Variants in TMEM131 observed in about 807,000 individuals in gnomAD.
The protein encoded by TMEM131 is transmembrane protein 131, also known as 2610524E03Rik.
Under a neutral mutation model 211.6 loss-of-function variants are expected in TMEM131, and 66 were observed. The observed-to-expected ratio is 0.31, with a 90% CI of 0.26 to 0.38. The LOEUF (loss-of-function observed/expected upper bound fraction) is 0.38, where lower values mean the gene tolerates loss of function less well. TMEM131 is among the 10% of genes least tolerant of loss of function. The probability of loss-of-function intolerance (pLI) is 1.00; values close to 1 mark genes in which losing one functional copy is unlikely to be tolerated. For missense variants in TMEM131, 2,036 were observed against 2,299.3 expected (o/e 0.89, Z 2.34); for synonymous variants, 844 against 841.3 (o/e 1.00, Z -0.06).
chr2:97,951,266 T>C (rs576105808), intron 1 of TMEM131, among the ~76,000 whole-genome samples: 14 of 152,338 alleles, frequency 9.2e-5, no homozygotes, highest in Non-Finnish European at 2.1e-4. Flanking sequence ...CAATTGAGTT[T>C]TGTAAGCCCC....
rs777389956 is a variant in TMEM131, at chr2:97,762,074, C to T, written c.4850G>A (p.Arg1617Gln). 2.4e-5 allele frequency: 38 copies of T among 1,601,308 alleles called. No homozygotes were observed. The highest frequency in any genetic ancestry group is 1.1e-4 in the Admixed American group (6 of 56,816). ...GTTGACGATGCTGCTGTAGCTGCCC[C>T]GGGCCACAAAGGGGCAGGGGGCAGC... ...PPAAPCPFVA[R>Q]GSYSSIVNSS... The change falls in exon 36 of 41, where the codon CGG (arginine) becomes CAG (glutamine). Residue 1617 changes from arginine (R) to glutamine (Q), a missense_variant. Physicochemically the swap from Arg to Gln is conservative, Grantham distance 43 (BLOSUM62 1). Transcript: ENST00000186436.
chr2:97,790,706 A>G (rs1242922860), intron 31 of TMEM131, among the ~76,000 whole-genome samples: 1 of 152,204 alleles, frequency 6.6e-6, no homozygotes, highest in African/African-American at 2.4e-5. Flanking sequence ...GGAAAACGCT[A>G]TGTAACTTGA....
intron 2 of TMEM131, among the ~76,000 whole-genome samples, chr2:97,909,083 T>C (rs759358056): frequency 2.0e-5 from 3 of 152,166 alleles, no homozygotes; most frequent in Non-Finnish European, 4.4e-5. Flanking sequence ...AGGGAGATAG[T>C]CATTTAAAAA....
At position 97,905,324 on chromosome 2, in the gene TMEM131, A is replaced by G. The variant is rs986198213; in HGVS notation, c.290+3334T>C. On this transcript the variant is annotated intron_variant, in intron 3 of 40. Coordinates refer to ENST00000186436, the MANE Select transcript of TMEM131 (RefSeq NM_015348.2). ...TGATGAACAACCAGCAGTCATTCCT[A>G]TCTTTTGAACTACTATATTTAGTTT... Among the ~76,000 whole-genome samples the G allele has an allele frequency of 3.9e-5, 6 of 152,276 alleles. No homozygotes were observed. In the South Asian group the frequency reaches 1.0e-3, roughly 26 times the overall value.
chr2:97,871,179 A>G (rs752065068), intron 4 of TMEM131, among the ~76,000 whole-genome samples: 18 of 152,218 alleles, frequency 1.2e-4, no homozygotes, highest in Admixed American at 2.6e-4. Context: ...GTTTCTACCC[A>G]AAGCATCTTT....
At chr2:97,829,958 A>C (rs1167114050) in intron 11 of TMEM131, among the ~76,000 whole-genome samples, 1 of 152,172 alleles carries the variant, frequency 6.6e-6, no homozygotes, top group Non-Finnish European at 1.5e-5. Flanking sequence ...AGAATTTAAA[A>C]TAGTTGATGA....
At chr2:97,986,774 G>A (rs1221376930) in intron 1 of TMEM131, among the ~76,000 whole-genome samples, 2 of 152,158 alleles carry the variant, frequency 1.3e-5, no homozygotes, top group African/African-American at 2.4e-5. Flanking sequence ...ATGAGCCCAT[G>A]TCACCAATCC....
At chr2:97,888,150 G>T in intron 3 of TMEM131, 30 bp from the exon 4 acceptor site, 2 of 1,572,308 alleles carry the variant, frequency 1.3e-6, no homozygotes, top group Non-Finnish European at 1.7e-6. Flanking sequence ...AACATAAGAA[G>T]CAATTCTTCA....
chr2:97,958,440 C>A (rs547220546), intron 1 of TMEM131, among the ~76,000 whole-genome samples: 81 of 152,288 alleles, frequency 5.3e-4, no homozygotes, highest in Middle Eastern at 3.4e-3. Context: ...AGAACAGTAA[C>A]AAACCCTGAA....
At chr2:97,921,973 T>C (rs1676759536) in intron 2 of TMEM131, among the ~76,000 whole-genome samples, 1 of 152,210 alleles carries the variant, frequency 6.6e-6, no homozygotes, top group African/African-American at 2.4e-5. Flanking sequence ...GAAAACTATA[T>C]GCATTATCTA....
chr2:97,868,953 C>T (rs6723466), intron 4 of TMEM131, among the ~76,000 whole-genome samples: 112,192 of 152,026 alleles, frequency 0.74, 43,044 homozygotes, highest in African/African-American at 0.87. Flanking sequence ...ACTACAGCCA[C>T]GATACTGCAG....
chr2:97,949,245 GA>G (rs1404959963), intron 1 of TMEM131, among the ~76,000 whole-genome samples: 9 of 152,176 alleles, frequency 5.9e-5, no homozygotes, highest in Admixed American at 2.0e-4. Context: ...CTGAGTGAAA[GA>G]AGGGAGACAA....
intron 12 of TMEM131, among the ~76,000 whole-genome samples, chr2:97,815,969 G>A (rs1484846390): frequency 3.3e-5 from 5 of 152,126 alleles, no homozygotes; most frequent in African/African-American, 1.2e-4. Flanking sequence ...GGTATAAGAG[G>A]AGATAAATCC....
At chr2:97,981,802 T>C (rs1043281160) in intron 1 of TMEM131, among the ~76,000 whole-genome samples, 2 of 152,162 alleles carry the variant, frequency 1.3e-5, no homozygotes, top group Non-Finnish European at 2.9e-5. Flanking sequence ...GCTTCTATGG[T>C]CTTATATGGT....
intron 2 of TMEM131, among the ~76,000 whole-genome samples, chr2:97,921,915 G>A (rs901115907): frequency 6.6e-6 from 1 of 152,212 alleles, no homozygotes; most frequent in Non-Finnish European, 1.5e-5. Flanking sequence ...CAAAGTTGTT[G>A]CAGAGGAATT....
At chr2:97,990,297 T>G (rs1052192182) in intron 1 of TMEM131, among the ~76,000 whole-genome samples, 1 of 151,920 alleles carries the variant, frequency 6.6e-6, no homozygotes, top group Non-Finnish European at 1.5e-5. Flanking sequence ...GAAAGTGATA[T>G]GAAAGCTTGT....
intron 11 of TMEM131, among the ~76,000 whole-genome samples, chr2:97,829,637 G>A (rs1252131170): frequency 1.3e-5 from 2 of 152,154 alleles, no homozygotes; most frequent in Non-Finnish European, 2.9e-5. Flanking sequence ...CGCTGTGGAA[G>A]CTTTGTTCTT....
intron 4 of TMEM131, among the ~76,000 whole-genome samples, chr2:97,870,565 A>G (rs1011315326): frequency 6.6e-6 from 1 of 152,186 alleles, no homozygotes; most frequent in Non-Finnish European, 1.5e-5. Context: ...CTGAGGCTCA[A>G]AAGAATTAGA....
chr2:97,873,880 C>G (rs1674586645), intron 4 of TMEM131, among the ~76,000 whole-genome samples: 1 of 152,162 alleles, frequency 6.6e-6, no homozygotes, highest in Non-Finnish European at 1.5e-5. Context: ...GTTTGACGAA[C>G]TGACAGAAGT....
Sources: allele counts gnomAD v4.1 joint callset (sites outside exome capture counted in the v4.1 genomes callset), GRCh38; gene constraint gnomAD v4.1.1; transcripts MANE v1.5; gene names NCBI Gene and HGNC (gene_info 2026-07-23, HGNC 2026-07-21).